Variants in MET observed in about 807,000 individuals in gnomAD.
MET encodes hepatocyte growth factor receptor.
Under a neutral mutation model 133.1 loss-of-function variants are expected in MET, and 48 were observed. That is an observed-to-expected ratio of 0.36 (90% confidence interval 0.29 to 0.46). The LOEUF is 0.46. MET is among the 20% of genes least tolerant of loss of function. MET has a pLI of 1.00. For synonymous variants in MET, 628 were observed against 616.5 expected (o/e 1.02, Z -0.28); for missense variants, 1,442 against 1,695.9 (o/e 0.85, Z 2.63).
intron 5 of MET, among the ~76,000 whole-genome samples, chr7:116,751,013 G>A (rs1271102748): frequency 5.9e-5 from 9 of 152,168 alleles, no homozygotes; most frequent in Non-Finnish European, 5.9e-5. Flanking sequence ...AGACAGTATG[G>A]CGATTCCTCA....
chr7:116,736,353 C>CA (rs571369878), intron 3 of MET, among the ~76,000 whole-genome samples: 5,513 of 128,948 alleles, frequency 0.043, 147 homozygotes, highest in Middle Eastern at 0.073. Flanking sequence ...AACCCTGTCT[C>CA]AAAAAAAAAA....
At chr7:116,709,596 G>C (rs1038009299) in intron 2 of MET, among the ~76,000 whole-genome samples, 6 of 152,056 alleles carry the variant, frequency 3.9e-5, no homozygotes, top group Non-Finnish European at 4.4e-5. Flanking sequence ...TGTTTTCCAA[G>C]GGAATAGGAG....
intron 3 of MET, among the ~76,000 whole-genome samples, chr7:116,734,454 C>A (rs1793137809): frequency 6.6e-6 from 1 of 152,158 alleles, no homozygotes; most frequent in South Asian, 2.1e-4. Context: ...TCACAGTGGT[C>A]ATTTGATTAG....
At chr7:116,695,013 A>C (rs1796914937) in intron 1 of MET, among the ~76,000 whole-genome samples, 2 of 152,168 alleles carry the variant, frequency 1.3e-5, no homozygotes, top group African/African-American at 4.8e-5. Context: ...TGTCATTCAC[A>C]CTTCACACTG....
intron 2 of MET, 95 bp downstream of exon 2, chr7:116,700,379 T>A: frequency 1.4e-6 from 2 of 1,399,126 alleles, no homozygotes; most frequent in East Asian, 2.4e-5. Flanking sequence ...CTTTTGTGCT[T>A]TGTAAATGGT....
chr7:116,764,730 C>T (rs568470646), intron 11 of MET, among the ~76,000 whole-genome samples: 12 of 152,044 alleles, frequency 7.9e-5, no homozygotes, highest in African/African-American at 2.9e-4. Flanking sequence ...CCCAACATGG[C>T]GAAAGGGTCT....
intron 17 of MET, among the ~76,000 whole-genome samples, chr7:116,779,470 C>T (rs771274474): frequency 2.6e-5 from 4 of 152,172 alleles, no homozygotes; most frequent in African/African-American, 4.8e-5. Flanking sequence ...AGCTTTTGGC[C>T]GTAATGCCAT....
chr7:116,697,991 T>C (rs532813357), intron 1 of MET, among the ~76,000 whole-genome samples: 3 of 152,334 alleles, frequency 2.0e-5, no homozygotes, highest in East Asian at 1.9e-4. Context: ...ATTTCTGATG[T>C]GGTTTTTGTA....
Position 116,672,448 on chromosome 7 carries a change from C to G in MET, c.-144C>G, listed in dbSNP as rs1796007430. On this transcript the variant is annotated 5_prime_UTR_variant, in exon 1 of 21. Coordinates refer to ENST00000397752, the MANE Select transcript of MET (RefSeq NM_000245.4). ...GCCCCGAGCGCTTTGTGAGCAGATG[C>G]GGAGCCGAGTGGAGGGCGCGAGCCA... The G allele has an allele frequency of 2.5e-6, 1 of 396,956 alleles. No homozygotes were observed. The highest frequency in any genetic ancestry group is 4.4e-6 in the Non-Finnish European group (1 of 225,124). 24.6% of individuals were successfully genotyped at this position (396,956 alleles called of 1,614,324 possible). A position where few individuals can be genotyped will look rare whatever the true frequency, so the allele number is the denominator to read the frequency against.
intron 2 of MET, among the ~76,000 whole-genome samples, chr7:116,701,043 G>A (rs565368885): frequency 2.4e-4 from 37 of 152,248 alleles, no homozygotes; most frequent in African/African-American, 8.4e-4. Flanking sequence ...TTTGGTTGAT[G>A]ATTATTTATA....
intron 2 of MET, among the ~76,000 whole-genome samples, chr7:116,721,117 G>C (rs1792467422): frequency 6.6e-6 from 1 of 152,018 alleles, no homozygotes; most frequent in Non-Finnish European, 1.5e-5. Flanking sequence ...ATCTGGTCCT[G>C]GACTCTTTTT....
In MET at chr7:116,699,919, A is replaced by G. The variant is rs2116599152; in HGVS notation, c.835A>G (p.Ile279Val). The part of the protein sequence containing the change: ...LDAQTFHTRI[I>V]RFCSINSGLH... ...TGCTCAGACTTTTCACACAAGAATA[A>G]TCAGGTTCTGTTCCATAAACTCTGG... is the stretch of plus-strand genomic sequence containing the variant. The change falls in exon 2 of 21, where the codon ATC (isoleucine) becomes GTC (valine). Residue 279 changes from isoleucine (I) to valine (V), a missense_variant. By Grantham distance (29) the Ile-to-Val change is conservative. Coordinates refer to ENST00000397752, the MANE Select transcript of MET (RefSeq NM_000245.4). 6.2e-7 allele frequency: 1 copy of G among 1,614,120 alleles called. No homozygotes were observed. The highest frequency in any genetic ancestry group is 8.5e-7 in the Non-Finnish European group (1 of 1,179,978).
At chr7:116,731,260 T>C (rs1477982508) in intron 2 of MET, among the ~76,000 whole-genome samples, 1 of 152,222 alleles carries the variant, frequency 6.6e-6, no homozygotes, top group African/African-American at 2.4e-5. Flanking sequence ...AAGGCACACA[T>C]TTAAAAATAT....
intron 2 of MET, among the ~76,000 whole-genome samples, chr7:116,717,969 G>C (rs1053492753): frequency 2.6e-5 from 4 of 152,178 alleles, no homozygotes; most frequent in African/African-American, 9.7e-5. Flanking sequence ...GCTAAAGGAA[G>C]ACTAGATTAA....
intron 19 of MET, among the ~76,000 whole-genome samples, chr7:116,790,743 G>A (rs1296682431): frequency 1.3e-5 from 2 of 151,966 alleles, no homozygotes; most frequent in Admixed American, 6.6e-5. Flanking sequence ...GTATTCCATC[G>A]TACAGATGTA....
At chr7:116,675,570 C>G (rs879478588) in intron 1 of MET, among the ~76,000 whole-genome samples, 7 of 152,262 alleles carry the variant, frequency 4.6e-5, no homozygotes, top group Non-Finnish European at 1.0e-4. Flanking sequence ...GACAAGGAAA[C>G]TGAGCTTGAG....
In MET at chr7:116,759,473, G is replaced by A. The variant is rs879254334; in HGVS notation, c.2347G>A (p.Gly783Arg). ...PRMVINVHEA[G>R]RNFTVACQHR... Reference sequence around the variant, plus strand: ...AATGGTCATAAATGTGCATGAAGCAGGAAGGAACTTTACAGTGGTAAGTCC... The same window carrying A: ...AATGGTCATAAATGTGCATGAAGCAAGAAGGAACTTTACAGTGGTAAGTCC... Residue 783 changes from glycine (G) to arginine (R), a missense_variant, in exon 10 of 21, where the codon GGA becomes AGA. By Grantham distance (125) the Gly-to-Arg change is moderately radical. Coordinates refer to ENST00000397752, the MANE Select transcript of MET (RefSeq NM_000245.4). 6.2e-7 allele frequency: 1 copy of A among 1,613,438 alleles called. No individual in the cohort carries two copies. Among genetic ancestry groups the A allele is most frequent in the South Asian group, 1.1e-5 (1 of 90,974 alleles).
chr7:116,782,573 G>A (rs1347689589), intron 18 of MET, among the ~76,000 whole-genome samples: 1 of 152,132 alleles, frequency 6.6e-6, no homozygotes, highest in Non-Finnish European at 1.5e-5. Context: ...TGGCTGCCTG[G>A]CTATGTAATA....
chr7:116,733,959 A>G (rs758706999), intron 3 of MET, among the ~76,000 whole-genome samples: 19 of 152,212 alleles, frequency 1.2e-4, no homozygotes, highest in Admixed American at 2.6e-4. Flanking sequence ...ATTAAATTTT[A>G]TAAAGAAACC....
Sources: gnomAD v4.1 joint callset for allele counts (sites outside exome capture counted in the v4.1 genomes callset) on GRCh38, gnomAD v4.1.1 for gene constraint, MANE v1.5 for transcripts, NCBI Gene and HGNC (gene_info 2026-07-23, HGNC 2026-07-21) for gene names.